EIF2B1: variants seen among roughly 807,000 people sequenced by gnomAD.
EIF2B1 encodes translation initiation factor eIF2B subunit alpha.
EIF2B1 carries 30 observed loss-of-function variants against 36.8 expected under a neutral mutation model. The ratio of observed to expected loss-of-function variants is 0.81; its 90% confidence interval spans 0.61 to 1.10. The LOEUF is 1.10. Ranked by LOEUF, EIF2B1 falls within the 50% of genes least tolerant of loss-of-function variation. EIF2B1 has a pLI of 0.00. For synonymous variants in EIF2B1, 139 were observed against 142.2 expected, an observed-to-expected ratio of 0.98 and a Z score of 0.16; for missense variants, 271 against 374.8, an observed-to-expected ratio of 0.72 and a Z score of 2.29.
chr12:123,630,733 C>T lies in EIF2B1; in HGVS notation c.116-200G>A, dbSNP rs534649769. On this transcript the variant is annotated intron_variant, in intron 2 of 8. Coordinates refer to ENST00000424014, the MANE Select transcript of EIF2B1 (RefSeq NM_001414.4). The surrounding 1 kb of genome is among the most constrained non-coding windows in gnomAD (Gnocchi z 4.6). Reference sequence around the variant, plus strand: ...GGAGTTTTGATTGTAATAGAGGAAGCGGATAGTAAACAAGCACACATAGAA... The same window carrying T: ...GGAGTTTTGATTGTAATAGAGGAAGTGGATAGTAAACAAGCACACATAGAA... 3.3e-5 allele frequency among the ~76,000 whole-genome samples: 5 copies of T among 152,236 alleles called. No individual in the cohort carries two copies. Among genetic ancestry groups the T allele is most frequent in the African/African-American group, 1.2e-4 (5 of 41,532 alleles).
In EIF2B1 at chr12:123,633,548, TGTC is replaced by T. The variant is rs1174803831; in HGVS notation, c.7_9del (p.Asp3del). The T allele has an allele frequency of 1.2e-6, 2 of 1,613,112 alleles. No individual in the cohort carries two copies. Among genetic ancestry groups the T allele is most frequent in the African/African-American group, 2.7e-5 (2 of 74,916 alleles). On this transcript the variant is annotated inframe_deletion, in exon 1 of 9. Transcript: ENST00000424014. ...GCCCTGGCCTGTCTTGATTTACCCT[TGTC>T]GTCCATGGCGTCCTCCTGCTGCGGA...
chr12:123,629,130 G>C (rs1452760634), intron 4 of EIF2B1, among the ~76,000 whole-genome samples: 2 of 152,110 alleles, frequency 1.3e-5, no homozygotes, highest in African/African-American at 2.4e-5. Flanking sequence ...TTGGGAAGGG[G>C]CTAATAAAAT....
At chr12:123,627,731 A>G (rs1042665644) in intron 4 of EIF2B1, among the ~76,000 whole-genome samples, 7 of 152,192 alleles carry the variant, frequency 4.6e-5, no homozygotes, top group South Asian at 4.1e-4. Flanking sequence ...GCATGTGCCT[A>G]TAGTCCCAGC....
chr12:123,624,154 A>G (rs1041916920), intron 7 of EIF2B1, among the ~76,000 whole-genome samples: 2 of 150,534 alleles, frequency 1.3e-5, no homozygotes, highest in South Asian at 4.2e-4. Flanking sequence ...ATGTGTGTGT[A>G]TATATATGCA....
At chr12:123,624,325 C>T (rs546691723) in intron 7 of EIF2B1, among the ~76,000 whole-genome samples, 2 of 128,658 alleles carry the variant, frequency 1.6e-5, no homozygotes, top group African/African-American at 6.4e-5. Context: ...GTAGTGTGAT[C>T]ATAACTTACT....
intron 4 of EIF2B1, among the ~76,000 whole-genome samples, chr12:123,628,186 G>C (rs1256171603): frequency 6.6e-6 from 1 of 151,946 alleles, no homozygotes; most frequent in Non-Finnish European, 1.5e-5. Context: ...CACCCCAGTA[G>C]CTGGGACTAC....
chr12:123,633,104 C>G (rs1955213373), intron 1 of EIF2B1, among the ~76,000 whole-genome samples: 1 of 151,634 alleles, frequency 6.6e-6, no homozygotes, highest in South Asian at 2.1e-4. Flanking sequence ...CCCCTCCAGA[C>G]AGTCTATGCT....
intron 2 of EIF2B1, among the ~76,000 whole-genome samples, chr12:123,631,175 G>A (rs146291673): frequency 2.0e-5 from 3 of 152,230 alleles, no homozygotes; most frequent in Non-Finnish European, 4.4e-5. Context: ...TGAAATTTAC[G>A]CATCATGGTT....
At chr12:123,624,139 ATAT>A (rs1216996594) in intron 7 of EIF2B1, among the ~76,000 whole-genome samples, 6 of 148,786 alleles carry the variant, frequency 4.0e-5, no homozygotes, top group South Asian at 2.1e-4. Flanking sequence ...TTGTGTATAT[ATAT>A]TATGTGTGTG....
chr12:123,620,616 ATATATATATAT>A lies in EIF2B1; in HGVS notation c.*1129_*1139del, dbSNP rs1566211514. The A allele has an allele frequency of 6.5e-5, 8 of 122,514 alleles. No homozygotes were observed. Among genetic ancestry groups the A allele is most frequent in the African/African-American group, 1.4e-4 (4 of 29,558 alleles). The allele number at this position is 122,514 out of a possible 1,614,324, so 7.6% of individuals were successfully genotyped here. Reference sequence around the variant, plus strand: ...TATATATATATATATATATATATATATATATATATATAAGCTCTTTTTTCTGAGGCTATTTT... The same window carrying A: ...TATATATATATATATATATATATATAAAGCTCTTTTTTCTGAGGCTATTTT... On this transcript the variant is annotated 3_prime_UTR_variant, in exon 9 of 9. Coordinates refer to ENST00000424014, the MANE Select transcript of EIF2B1 (RefSeq NM_001414.4).
intron 6 of EIF2B1, among the ~76,000 whole-genome samples, chr12:123,625,267 T>C (rs888957445): frequency 2.0e-5 from 3 of 152,208 alleles, no homozygotes; most frequent in Admixed American, 2.0e-4. Context: ...TCTTTCTTTT[T>C]TTTTTTGAGA....
chr12:123,632,270 T>TAA (rs373001833), intron 2 of EIF2B1, 75 bp downstream of exon 2: 14,743 of 750,780 alleles, frequency 0.02, 73 homozygotes, highest in South Asian at 0.026. Flanking sequence ...TCCGTCTCTT[T>TAA]AAAAAAAAAA....
chr12:123,623,480 G>C (rs181090318), intron 7 of EIF2B1, among the ~76,000 whole-genome samples: 1 of 152,306 alleles, frequency 6.6e-6, no homozygotes, highest in East Asian at 1.9e-4. Flanking sequence ...AAGTAGTGCA[G>C]CTGCTGTGGA....
In EIF2B1 at chr12:123,633,648, G is replaced by A. The variant is rs886049052; in HGVS notation, c.-91C>T. The stretch of plus-strand genomic sequence containing the variant: ...GGCCGCGCCGCCTGCGAGCCAGTCT[G>A]ACAGCGCGCTGCACACCTCCGCACC... On this transcript the variant is annotated 5_prime_UTR_variant, in exon 1 of 9. Transcript: ENST00000424014. The A allele has an allele frequency of 1.0e-5, 16 of 1,580,984 alleles. No homozygotes were observed. In the Middle Eastern group the frequency reaches 6.0e-4, roughly 60 times the overall value.
At chr12:123,626,655 G>C in intron 5 of EIF2B1, 162 bp from the exon 6 acceptor site, 1 of 819,898 alleles carries the variant, frequency 1.2e-6, no homozygotes. Context: ...AAGAATTTGA[G>C]TTCTTTAGAA....
In EIF2B1 at chr12:123,627,086, C is replaced by T. The variant is rs745385760; in HGVS notation, c.440G>A (p.Arg147Gln). ...TGACTCTGTGACGTATACACTAAAT[C>T]GCTTCTTGGCCGCCACGGCTGCTTC... ...VLEAAVAAKK[R>Q]FSVYVTESQP... Residue 147 changes from arginine (R) to glutamine (Q), a missense_variant, in exon 5 of 9, where the codon CGA (arginine) becomes CAA (glutamine). Arg to Gln is a conservative substitution (Grantham distance 43). Transcript: ENST00000424014. The T allele has an allele frequency of 1.2e-6, 2 of 1,614,092 alleles. No individual in the cohort carries two copies. Among genetic ancestry groups the T allele is most frequent in the Non-Finnish European group, 1.7e-6 (2 of 1,180,050 alleles).
At chr12:123,623,351 A>T (rs1209425900) in intron 7 of EIF2B1, among the ~76,000 whole-genome samples, 1 of 152,016 alleles carries the variant, frequency 6.6e-6, no homozygotes, top group African/African-American at 2.4e-5. Context: ...GTGCCATTGC[A>T]CTCCAGCCTG....
At chr12:123,631,309 T>A (rs897943405) in intron 2 of EIF2B1, among the ~76,000 whole-genome samples, 3 of 152,214 alleles carry the variant, frequency 2.0e-5, no homozygotes, top group Non-Finnish European at 2.9e-5. Context: ...GAAGCTGAGC[T>A]TGGAGCTGTA....
intron 4 of EIF2B1, 176 bp downstream of exon 4, chr12:123,629,993 C>T: frequency 2.9e-6 from 2 of 680,978 alleles, no homozygotes; most frequent in East Asian, 5.4e-5. Context: ...TCACAACAAC[C>T]CAAGGAGGTA....
Sources: gnomAD v4.1 joint callset for allele counts (sites outside exome capture counted in the v4.1 genomes callset) on GRCh38, gnomAD v4.1.1 for gene constraint, Gnocchi (gnomAD v3.1) non-coding constraint, MANE v1.5 for transcripts, NCBI Gene and HGNC (gene_info 2026-07-23, HGNC 2026-07-21) for gene names.